Variants in SLC39A10 observed in about 807,000 individuals in gnomAD.
SLC39A10 encodes the protein solute carrier family 39 member 10, also known as zinc transporter ZIP10.
SLC39A10 carries 13 observed loss-of-function variants against 65.1 expected under a neutral mutation model. The observed-to-expected ratio is 0.20, with a 90% confidence interval of 0.13 to 0.32. The LOEUF (loss-of-function observed/expected upper bound fraction) is 0.32. Ranked by LOEUF, SLC39A10 falls within the 10% of genes least tolerant of loss-of-function variation. The pLI is 1.00. For missense variants in SLC39A10, 831 were observed against 1,018.4 expected, an observed-to-expected ratio of 0.82 and a Z score of 2.50; for synonymous variants, 321 against 342.2, an observed-to-expected ratio of 0.94 and a Z score of 0.68.
At chr2:195,657,687 G>A in intron 1 of SLC39A10, 1 of 959,784 alleles carries the variant, frequency 1.0e-6, no homozygotes, top group Non-Finnish European at 1.2e-6. Context: ...GGGGCTGCGC[G>A]CCGGCCGCGG....
intron 1 of SLC39A10, among the ~76,000 whole-genome samples, chr2:195,672,547 A>G (rs975229309): frequency 6.6e-6 from 1 of 152,232 alleles, no homozygotes; most frequent in Admixed American, 6.5e-5. Context: ...TTACCTCATA[A>G]CGTTGCTTGT....
At chr2:195,700,623 C>G (rs1691140698) in intron 3 of SLC39A10, among the ~76,000 whole-genome samples, 1 of 152,168 alleles carries the variant, frequency 6.6e-6, no homozygotes, top group African/African-American at 2.4e-5. Flanking sequence ...ACTCCCTCAG[C>G]TTTTGTTTAC....
chr2:195,679,135 A>G (rs757740870), intron 1 of SLC39A10, among the ~76,000 whole-genome samples: 1 of 152,226 alleles, frequency 6.6e-6, no homozygotes, highest in Non-Finnish European at 1.5e-5. Context: ...AAGTACCCGT[A>G]TGTGACTAGT....
At chr2:195,613,062 C>G (rs1020547355) in intron 2 of SLC39A10, among the ~76,000 whole-genome samples, 1 of 152,176 alleles carries the variant, frequency 6.6e-6, no homozygotes, top group Admixed American at 6.5e-5. Context: ...ACTGAACTTA[C>G]TCCCAACAGG....
intron 2 of SLC39A10, among the ~76,000 whole-genome samples, chr2:195,622,004 CTG>C (rs2105687625): frequency 6.6e-6 from 1 of 152,284 alleles, no homozygotes; most frequent in African/African-American, 2.4e-5. Flanking sequence ...GGGTCTAAGT[CTG>C]TATCTTTTTC....
At chr2:195,701,397 C>T (rs74882134) in intron 3 of SLC39A10, among the ~76,000 whole-genome samples, 3,021 of 65,826 alleles carry the variant, frequency 0.046, 89 homozygotes, top group Middle Eastern at 0.11. Flanking sequence ...TCTAGTAGAT[C>T]TGCCATTAGG....
chr2:195,626,808 T>C (rs1292152281), intron 2 of SLC39A10, among the ~76,000 whole-genome samples: 1 of 152,076 alleles, frequency 6.6e-6, no homozygotes, highest in Admixed American at 6.6e-5. Context: ...GGGTAGTAAT[T>C]TTCCCGAGCA....
intron 1 of SLC39A10, among the ~76,000 whole-genome samples, chr2:195,667,767 T>G (rs1317363631): frequency 3.3e-5 from 5 of 152,202 alleles, no homozygotes; most frequent in Non-Finnish European, 1.5e-5. Flanking sequence ...AGACAGAGGT[T>G]TCTGATTCCT....
chr2:195,626,792 A>G (rs1038213962), intron 2 of SLC39A10, among the ~76,000 whole-genome samples: 3 of 152,278 alleles, frequency 2.0e-5, no homozygotes, highest in Admixed American at 2.0e-4. Context: ...GTAAAATATT[A>G]TCAATGGGTA....
intron 2 of SLC39A10, among the ~76,000 whole-genome samples, chr2:195,615,362 A>G (rs910161767): frequency 6.6e-6 from 1 of 152,180 alleles, no homozygotes; most frequent in African/African-American, 2.4e-5. Flanking sequence ...GGGTCTGGCT[A>G]TTGCTGCTCA....
intron 1 of SLC39A10, among the ~76,000 whole-genome samples, chr2:195,667,463 C>A (rs188912856): frequency 2.2e-4 from 33 of 152,312 alleles, no homozygotes; most frequent in African/African-American, 7.7e-4. Context: ...TGGGTGCCTC[C>A]TGCAATCTAG....
chr2:195,632,290 CT>C (rs202193660), intron 2 of SLC39A10, among the ~76,000 whole-genome samples: 175 of 69,226 alleles, frequency 2.5e-3, no homozygotes, highest in African/African-American at 7.6e-3. Context: ...ATTCTACTTC[CT>C]TTTTTTTTTT....
At chr2:195,626,076 G>T (rs1197225058) in intron 2 of SLC39A10, among the ~76,000 whole-genome samples, 2 of 152,146 alleles carry the variant, frequency 1.3e-5, no homozygotes, top group Non-Finnish European at 2.9e-5. Context: ...GAGCCACTGT[G>T]CCTGGCCGGC....
intron 3 of SLC39A10, among the ~76,000 whole-genome samples, chr2:195,705,377 C>A (rs1559042426): frequency 6.6e-6 from 1 of 151,962 alleles, no homozygotes; most frequent in Non-Finnish European, 1.5e-5. Context: ...GATAGATTAT[C>A]TATTGTTTTA....
chr2:195,678,983 A>G (rs538190803), intron 1 of SLC39A10, among the ~76,000 whole-genome samples: 3 of 152,316 alleles, frequency 2.0e-5, no homozygotes, highest in South Asian at 2.1e-4. Context: ...TGCTTGTCCA[A>G]TAGAACTTTC....
At chr2:195,732,637 A>G (rs927839136) in intron 9 of SLC39A10, among the ~76,000 whole-genome samples, 1 of 152,208 alleles carries the variant, frequency 6.6e-6, no homozygotes, top group African/African-American at 2.4e-5. Context: ...ATAATGAAAA[A>G]TCTTTGTAAC....
intron 1 of SLC39A10, among the ~76,000 whole-genome samples, chr2:195,662,776 C>T (rs1475030044): frequency 1.3e-5 from 2 of 152,056 alleles, no homozygotes; most frequent in African/African-American, 2.4e-5. Flanking sequence ...AAACTATGGG[C>T]CAAATATCCC....
Position 195,728,367 on chromosome 2 carries a change from T to G in SLC39A10, c.2337+18T>G, listed in dbSNP as rs538113451. The stretch of plus-strand genomic sequence containing the variant: ...TGGATATGGTAAGATATTTTATATT[T>G]TTTTGTGGTACTAAACCTGCAAATG... On this transcript the variant is annotated intron_variant, in intron 9 of 9. Transcript: ENST00000359634. The surrounding 1 kb of genome is among the most constrained non-coding windows in gnomAD (Gnocchi z 4.4). 4.4e-6 allele frequency: 7 copies of G among 1,602,384 alleles called. No individual in the cohort carries two copies. In the South Asian group the frequency reaches 5.6e-5, roughly 13 times the overall value.
chr2:195,718,196 A>G (rs2105829139), intron 7 of SLC39A10, 56 bp from the exon 8 acceptor site: 1 of 1,405,004 alleles, frequency 7.1e-7, no homozygotes, highest in South Asian at 1.2e-5. Flanking sequence ...CATTAATGAA[A>G]ATGTGAAGAG....
Sources: gnomAD v4.1 joint callset for allele counts (sites outside exome capture counted in the v4.1 genomes callset) on GRCh38, gnomAD v4.1.1 for gene constraint, Gnocchi (gnomAD v3.1) non-coding constraint, MANE v1.5 for transcripts, NCBI Gene and HGNC (gene_info 2026-07-23, HGNC 2026-07-21) for gene names.